The following DRC11 variants were observed in gnomAD, a reference collection of about 807,000 sequenced individuals.
DRC11 encodes dynein regulatory complex subunit 11.
chr2:236,333,608 G>A, the DRC11 span, among the ~76,000 whole-genome samples: 1 of 152,232 alleles, frequency 6.6e-6, no homozygotes, highest in African/African-American at 2.4e-5. This position sits in a 1 kb window ranked among gnomAD's most constrained non-coding sequence, Gnocchi z 6.0. Context: ...ACTTGGTTCT[G>A]GGCACGCATG....
At chr2:236,331,354 T>C in the DRC11 span, 12 of 1,601,710 alleles carry the variant, frequency 7.5e-6, no homozygotes, top group Non-Finnish European at 1.0e-5. The surrounding 1 kb of genome is among the most constrained non-coding windows in gnomAD (Gnocchi z 4.8). Context: ...AGGGTGTTCA[T>C]TTACCTTAAA....
At chr2:236,479,980 T>C in the DRC11 span, among the ~76,000 whole-genome samples, 1 of 152,096 alleles carries the variant, frequency 6.6e-6, no homozygotes, top group Non-Finnish European at 1.5e-5. This position sits in a 1 kb window ranked among gnomAD's most constrained non-coding sequence, Gnocchi z 4.1. Context: ...TTCTTCATGT[T>C]TGAAGTTCAG....
At chr2:236,379,323 A>AAGGGAG in the DRC11 span, among the ~76,000 whole-genome samples, 27 of 85,438 alleles carry the variant, frequency 3.2e-4, 1 homozygote, top group Non-Finnish European at 4.1e-4. Flanking sequence ...CGACAGGACC[A>AAGGGAG]AGGGGAGGGA....
At chr2:236,441,211 G>A in the DRC11 span, 1 of 918,760 alleles carries the variant, frequency 1.1e-6, no homozygotes, top group Admixed American at 2.0e-5. Context: ...TCATTTAAAT[G>A]AGTGATGGTC....
At chr2:236,470,525 G>A in the DRC11 span, among the ~76,000 whole-genome samples, 1 of 152,282 alleles carries the variant, frequency 6.6e-6, no homozygotes, top group African/African-American at 2.4e-5. This position sits in a 1 kb window ranked among gnomAD's most constrained non-coding sequence, Gnocchi z 5.1. Flanking sequence ...TTTTGCACAT[G>A]GAAGACCTCA....
the DRC11 span, among the ~76,000 whole-genome samples, chr2:236,482,093 T>G: frequency 2.8e-4 from 38 of 136,548 alleles, no homozygotes; most frequent in Non-Finnish European, 2.5e-4. This position sits in a 1 kb window ranked among gnomAD's most constrained non-coding sequence, Gnocchi z 4.5. Context: ...TATAATTCTA[T>G]GTATAATTCT....
chr2:236,328,435 C>A, the DRC11 span, among the ~76,000 whole-genome samples: 1 of 152,076 alleles, frequency 6.6e-6, no homozygotes, highest in African/African-American at 2.4e-5. The surrounding 1 kb of genome is among the most constrained non-coding windows in gnomAD (Gnocchi z 6.7). Context: ...CACTTTTATT[C>A]CCCACCTAGA....
chr2:236,502,954 C>CA, the DRC11 span, among the ~76,000 whole-genome samples: 1,267 of 149,844 alleles, frequency 8.5e-3, 18 homozygotes, highest in African/African-American at 0.03. Context: ...GACTCCATCT[C>CA]AAAAAAAAGA....
the DRC11 span, among the ~76,000 whole-genome samples, chr2:236,333,840 G>A: frequency 6.6e-6 from 1 of 152,272 alleles, no homozygotes; most frequent in African/African-American, 2.4e-5. The surrounding 1 kb of genome is among the most constrained non-coding windows in gnomAD (Gnocchi z 6.0). Flanking sequence ...ACTGTACTGG[G>A]AAAGGGTGAA....
chr2:236,324,397 G>A, the DRC11 span: 1 of 291,126 alleles, frequency 3.4e-6, no homozygotes, highest in African/African-American at 2.1e-5. This position sits in a 1 kb window ranked among gnomAD's most constrained non-coding sequence, Gnocchi z 5.7. Context: ...GGTGTCAAGA[G>A]TGAATTTCAG....
the DRC11 span, among the ~76,000 whole-genome samples, chr2:236,321,210 T>C: frequency 3.9e-5 from 6 of 152,184 alleles, no homozygotes; most frequent in Admixed American, 1.3e-4. Flanking sequence ...GGGCACTTAT[T>C]ACAGCAAGGA....
chr2:236,379,305 C>G, the DRC11 span, among the ~76,000 whole-genome samples: 1 of 129,784 alleles, frequency 7.7e-6, no homozygotes, highest in Admixed American at 7.3e-5. Context: ...AACCCCCAAA[C>G]AGGGGAGCGA....
the DRC11 span, among the ~76,000 whole-genome samples, chr2:236,316,979 A>G: frequency 6.6e-6 from 1 of 152,090 alleles, no homozygotes. The surrounding 1 kb of genome is among the most constrained non-coding windows in gnomAD (Gnocchi z 6.8). Flanking sequence ...ATCATTCATA[A>G]TAGCCGCAAA....
At chr2:236,419,506 C>T in the DRC11 span, among the ~76,000 whole-genome samples, 3 of 150,920 alleles carry the variant, frequency 2.0e-5, no homozygotes, top group African/African-American at 4.9e-5. This position sits in a 1 kb window ranked among gnomAD's most constrained non-coding sequence, Gnocchi z 4.8. Context: ...AGAGTCTCGA[C>T]GTTTCTGAGC....
At chr2:236,398,454 TTAA>T in the DRC11 span, among the ~76,000 whole-genome samples, 1 of 152,128 alleles carries the variant, frequency 6.6e-6, no homozygotes, top group African/African-American at 2.4e-5. The surrounding 1 kb of genome is among the most constrained non-coding windows in gnomAD (Gnocchi z 6.2). Flanking sequence ...ATCTATTAAG[TTAA>T]TAATATCCAG....
chr2:236,377,856 C>T, the DRC11 span, among the ~76,000 whole-genome samples: 5 of 152,160 alleles, frequency 3.3e-5, no homozygotes, highest in East Asian at 5.8e-4. This position sits in a 1 kb window ranked among gnomAD's most constrained non-coding sequence, Gnocchi z 4.9. Flanking sequence ...TCCCACATAA[C>T]GGATGAAACT....
the DRC11 span, among the ~76,000 whole-genome samples, chr2:236,364,179 C>G: frequency 2.7e-5 from 4 of 150,630 alleles, no homozygotes; most frequent in Admixed American, 2.7e-4. Flanking sequence ...GGTCAGGGCT[C>G]GTGGTAGAGC....
the DRC11 span, among the ~76,000 whole-genome samples, chr2:236,347,979 G>A: frequency 2.0e-5 from 3 of 152,172 alleles, no homozygotes; most frequent in Non-Finnish European, 4.4e-5. Flanking sequence ...AGCTGATGAG[G>A]AGAAACACCA....
the DRC11 span, among the ~76,000 whole-genome samples, chr2:236,388,156 C>T: frequency 3.9e-5 from 6 of 151,944 alleles, no homozygotes; most frequent in East Asian, 1.9e-4. Flanking sequence ...TTGCTCTTCT[C>T]GAGGAGTATC....
Sources: gnomAD v4.1 joint callset for allele counts (sites outside exome capture counted in the v4.1 genomes callset) on GRCh38, gnomAD v4.1.1 for gene constraint, Gnocchi (gnomAD v3.1) non-coding constraint, MANE v1.5 for transcripts, NCBI Gene and HGNC (gene_info 2026-07-23, HGNC 2026-07-21) for gene names.